PCDHGB5: variants seen among roughly 807,000 people sequenced by gnomAD.
PCDHGB5 encodes protocadherin gamma subfamily B, 5.
PCDHGB5 carries 48 observed loss-of-function variants against 62.9 expected under a neutral mutation model. The observed-to-expected ratio is 0.76, with a 90% CI of 0.61 to 0.97. The LOEUF is 0.97. PCDHGB5 is among the 50% of genes least tolerant of loss of function. The pLI is 0.00. For synonymous variants in PCDHGB5, 474 were observed against 511.2 expected, an observed-to-expected ratio of 0.93 and a Z score of 0.98; for missense variants, 1,118 against 1,198.6, an observed-to-expected ratio of 0.93 and a Z score of 0.99.
Position 141,477,545 on chromosome 5 carries a change from C to T in PCDHGB5, c.2398-17262C>T. The T allele has an allele frequency of 6.2e-7, 1 of 1,614,194 alleles. No individual in the cohort carries two copies. Among genetic ancestry groups the T allele is most frequent in the South Asian group, 1.1e-5 (1 of 91,086 alleles). On this transcript the variant is annotated intron_variant, in intron 1 of 3. Coordinates refer to ENST00000617380, the MANE Select transcript of PCDHGB5 (RefSeq NM_018925.3). The surrounding 1 kb of genome is among the most constrained non-coding windows in gnomAD (Gnocchi z 4.9). ...AAACAACCTCCCCGGGGCTCCAATA[C>T]TAAACCTAAGTGTCTGGGACCCCGA...
chr5:141,409,734 G>C (rs1278458472), intron 1 of PCDHGB5: 2 of 1,613,144 alleles, frequency 1.2e-6, no homozygotes, highest in Admixed American at 3.3e-5. Flanking sequence ...AGCGCGCAGA[G>C]CGGGGTGGTG....
At chr5:141,421,184 C>G (rs2096551183) in intron 1 of PCDHGB5, 1 of 1,457,940 alleles carries the variant, frequency 6.9e-7, no homozygotes, top group African/African-American at 1.4e-5. Context: ...CGATTCACAA[C>G]CAACCAGCTC....
At chr5:141,404,620 T>C in intron 1 of PCDHGB5, 2 of 1,614,162 alleles carry the variant, frequency 1.2e-6, no homozygotes, top group Non-Finnish European at 1.7e-6. Context: ...TGGACCAGAA[T>C]GACAATGCCC....
rs1243958567 is a variant in PCDHGB5, at chr5:141,418,557, T to C, written c.2397+18033T>C. 4.3e-6 allele frequency: 7 copies of C among 1,613,860 alleles called. No homozygotes were observed. The East Asian group carries it at 1.6e-4, about 36-fold the overall frequency. On this transcript the variant is annotated intron_variant, in intron 1 of 3. Coordinates refer to ENST00000617380, the MANE Select transcript of PCDHGB5 (RefSeq NM_018925.3). ...ACTGCTCAGATAAGAATCCTGGTAA[T>C]AGATGCCAATGACAACCCCCCAGTG... is the stretch of plus-strand genomic sequence containing the variant.
chr5:141,478,139 G>C, intron 1 of PCDHGB5: 15 of 1,614,040 alleles, frequency 9.3e-6, no homozygotes, highest in Non-Finnish European at 1.3e-5. Context: ...TGAAGCCCGA[G>C]CCGAGTTCCC....
intron 1 of PCDHGB5, among the ~76,000 whole-genome samples, chr5:141,454,379 T>A (rs770736083): frequency 1.2e-3 from 179 of 152,316 alleles, no homozygotes; most frequent in Non-Finnish European, 2.1e-3. Flanking sequence ...TGGCAACTTG[T>A]CAAGATGAAG....
chr5:141,423,569 T>A, intron 1 of PCDHGB5: 2 of 1,613,480 alleles, frequency 1.2e-6, no homozygotes, highest in Non-Finnish European at 1.7e-6. Context: ...GACACGCTCA[T>A]CAGCCAGGAG....
chr5:141,477,432 C>T lies in PCDHGB5; in HGVS notation c.2398-17375C>T, dbSNP rs1184041591. 6.2e-7 allele frequency: 1 copy of T among 1,614,186 alleles called. No individual in the cohort carries two copies. Among genetic ancestry groups the T allele is most frequent in the Admixed American group, 1.7e-5 (1 of 60,028 alleles). ...GACGCCGGAACCCCTTCCCTCTCAG[C>T]CCTTACAATAGTGCGTGTTCAAGTG... On this transcript the variant is annotated intron_variant, in intron 1 of 3. Transcript: ENST00000617380. This position sits in a 1 kb window ranked among gnomAD's most constrained non-coding sequence, Gnocchi z 4.9.
At chr5:141,414,531 C>A in intron 1 of PCDHGB5, 1 of 1,613,960 alleles carries the variant, frequency 6.2e-7, no homozygotes, top group Non-Finnish European at 8.5e-7. Context: ...TCAATGACAA[C>A]CCACCTACCT....
At position 141,418,922 on chromosome 5, in the gene PCDHGB5, C is replaced by G. The variant is rs180948941; in HGVS notation, c.2397+18398C>G. The G allele has an allele frequency of 3.7e-6, 6 of 1,613,994 alleles. 1 individual carries two copies. In the Admixed American group the frequency reaches 6.7e-5, roughly 18 times the overall value. On this transcript the variant is annotated intron_variant, in intron 1 of 3. Coordinates refer to ENST00000617380, the MANE Select transcript of PCDHGB5 (RefSeq NM_018925.3). ...AATAATCATCACGTCACTCTCTGAT[C>G]AGATTATGGAGGATTCCCCTCCAGG...
At position 141,400,133 on chromosome 5, in the gene PCDHGB5, C is replaced by T; in HGVS notation, c.2006C>T (p.Pro669Leu). ...GCTGACAGCTTGCAGGAGGTGCTGC[C>T]GGATATCACTGACCGCCCTGTACCC... ...VFADSLQEVL[P>L]DITDRPVPSD... is the part of the protein sequence containing the mutation. Residue 669 changes from proline to leucine, a missense_variant, in exon 1 of 4, where the codon CCG becomes CTG. Coordinates refer to ENST00000617380, the MANE Select transcript of PCDHGB5 (RefSeq NM_018925.3). 6.2e-7 allele frequency: 1 copy of T among 1,614,066 alleles called. No homozygotes were observed. Among genetic ancestry groups the T allele is most frequent in the Non-Finnish European group, 8.5e-7 (1 of 1,179,910 alleles).
intron 1 of PCDHGB5, among the ~76,000 whole-genome samples, chr5:141,444,229 T>G (rs957213677): frequency 4.6e-5 from 6 of 130,226 alleles, no homozygotes; most frequent in Admixed American, 9.4e-5. Context: ...TGGAGTGCAA[T>G]GGCATGCTCT....
rs757707945 is a variant in PCDHGB5 at position 141,399,045 on chromosome 5, A to C, written c.918A>C (p.Glu306Asp). The change falls in exon 1 of 4, where the codon GAA (glutamate) becomes GAC (aspartate). Residue 306 changes from glutamate to aspartate, a missense_variant. Coordinates refer to ENST00000617380, the MANE Select transcript of PCDHGB5 (RefSeq NM_018925.3). ...CCACTCAAAAGAAACTGGATTTTGAAGAGACCAAGGAATATTCAATGGTTG... is the reference window on the plus strand; with the variant it reads ...CCACTCAAAAGAAACTGGATTTTGACGAGACCAAGGAATATTCAATGGTTG... ...EITTQKKLDFEETKEYSMVVE... is the reference protein window; with the variant it reads ...EITTQKKLDFDETKEYSMVVE... The C allele has an allele frequency of 3.1e-6, 5 of 1,613,878 alleles. No individual in the cohort carries two copies. The Admixed American group carries it at 5.0e-5, about 16-fold the overall frequency.
At chr5:141,424,894 T>C (rs868851823) in intron 1 of PCDHGB5, among the ~76,000 whole-genome samples, 44 of 152,320 alleles carry the variant, frequency 2.9e-4, no homozygotes, top group African/African-American at 9.9e-4. Flanking sequence ...TCTAGGGTTT[T>C]TGATCACAGG....
intron 1 of PCDHGB5, chr5:141,412,602 T>G (rs1239898248): frequency 6.6e-6 from 1 of 152,188 alleles, no homozygotes; most frequent in African/African-American, 2.4e-5. Flanking sequence ...CTAAATAAAA[T>G]TGGCCTATTC....
rs775898365 is a variant in PCDHGB5 at position 141,476,425 on chromosome 5, T to C, written c.2398-18382T>C. On this transcript the variant is annotated intron_variant, in intron 1 of 3. Transcript: ENST00000617380. This position sits in a 1 kb window ranked among gnomAD's most constrained non-coding sequence, Gnocchi z 7.6. ...AGGAGCTGTGTGGGACACTGCCCTC[T>C]TGCACTGTAACTCTGGAGTTGGTAG... is the stretch of plus-strand genomic sequence containing the variant. The C allele has an allele frequency of 1.2e-6, 2 of 1,614,108 alleles. No homozygotes were observed. Among genetic ancestry groups the C allele is most frequent in the East Asian group, 4.5e-5 (2 of 44,848 alleles).
intron 2 of PCDHGB5, 50 bp from the exon 3 acceptor site, chr5:141,505,343 G>A: frequency 1.9e-6 from 3 of 1,612,934 alleles, no homozygotes; most frequent in Non-Finnish European, 2.5e-6. Flanking sequence ...GGAGGGGCAT[G>A]AGCTGTGCCG....
At position 141,432,818 on chromosome 5, in the gene PCDHGB5, T is replaced by C. The variant is rs370597280; in HGVS notation, c.2397+32294T>C. On this transcript the variant is annotated intron_variant, in intron 1 of 3. Transcript: ENST00000617380. This position sits in a 1 kb window ranked among gnomAD's most constrained non-coding sequence, Gnocchi z 6.0. The stretch of plus-strand genomic sequence containing the variant: ...CGAGTCTCCAGCTAACTCTGAAACC[T>C]CAGACCTCACTCTGTACCTGGTGGT... 9.9e-6 allele frequency: 16 copies of C among 1,614,106 alleles called. No individual in the cohort carries two copies. The highest frequency in any genetic ancestry group is 1.4e-5 in the Non-Finnish European group (16 of 1,179,986).
chr5:141,410,164 C>G (rs756470415), intron 1 of PCDHGB5: 8 of 1,613,642 alleles, frequency 5.0e-6, no homozygotes, highest in South Asian at 2.2e-5. Context: ...AGCCGCCACT[C>G]TCTGCCACCG....
Sources: allele counts gnomAD v4.1 joint callset (sites outside exome capture counted in the v4.1 genomes callset), GRCh38; gene constraint gnomAD v4.1.1; non-coding constraint Gnocchi (gnomAD v3.1); transcripts MANE v1.5; gene names NCBI Gene and HGNC (gene_info 2026-07-23, HGNC 2026-07-21).